Variants in SLC25A26 observed in about 807,000 individuals in gnomAD.
SLC25A26 encodes the protein solute carrier family 25 member 26, also known as mitochondrial S-adenosylmethionine carrier protein.
In SLC25A26, 36 loss-of-function variants were observed where a neutral mutation model predicts 37.8. That is an observed-to-expected ratio of 0.95 (90% CI 0.73 to 1.26). The LOEUF (loss-of-function observed/expected upper bound fraction) is 1.26, where lower values mean the gene tolerates loss of function less well. SLC25A26 is among the 50% of genes most tolerant of loss of function. The pLI is 0.00. For missense variants in SLC25A26, 390 were observed against 331.1 expected, an observed-to-expected ratio of 1.18 and a Z score of -1.38; for synonymous variants, 129 against 122.5, an observed-to-expected ratio of 1.05 and a Z score of -0.35.
At chr3:66,306,222 C>G (rs995996687) in intron 5 of SLC25A26, among the ~76,000 whole-genome samples, 2 of 152,202 alleles carry the variant, frequency 1.3e-5, no homozygotes, top group Non-Finnish European at 2.9e-5. Flanking sequence ...CCTCGTGATT[C>G]ACCCACCTTG....
intron 1 of SLC25A26, among the ~76,000 whole-genome samples, chr3:66,192,317 CA>C (rs1229602690): frequency 1.3e-4 from 15 of 111,216 alleles, no homozygotes; most frequent in South Asian, 3.2e-4. Context: ...CTCCATGTCA[CA>C]AAAAAAAAAA....
chr3:66,276,958 A>AG (rs1559646430), intron 5 of SLC25A26, among the ~76,000 whole-genome samples: 1 of 66,930 alleles, frequency 1.5e-5, no homozygotes, highest in Admixed American at 1.8e-4. Context: ...GCACTGTTTG[A>AG]AAAAAAAAAA....
chr3:66,135,099 G>A (rs1433113964), intron 1 of SLC25A26, among the ~76,000 whole-genome samples: 1 of 152,136 alleles, frequency 6.6e-6, no homozygotes, highest in Non-Finnish European at 1.5e-5. Context: ...GCAAAGAGCT[G>A]GGATTACAGG....
chr3:66,331,702 A>G lies in SLC25A26; in HGVS notation c.454-14662A>G, dbSNP rs1175824641. ...CTTGTTACTTTGGAAATTCTACTGT[A>G]TATTTCCATTCCATTAATGGTGATC... is the stretch of plus-strand genomic sequence containing the variant. On this transcript the variant is annotated intron_variant, in intron 5 of 9. Coordinates refer to ENST00000354883, the MANE Select transcript of SLC25A26 (RefSeq NM_001379210.1). Among the ~76,000 whole-genome samples, 4 of 152,032 alleles carry G rather than the reference A, an allele frequency of 2.6e-5. No homozygotes were observed. In the South Asian group the frequency reaches 8.3e-4, roughly 32 times the overall value.
At chr3:66,366,751 G>A (rs1221801956) in intron 7 of SLC25A26, among the ~76,000 whole-genome samples, 1 of 152,152 alleles carries the variant, frequency 6.6e-6, no homozygotes, top group Admixed American at 6.5e-5. Context: ...ACGAAAGTGG[G>A]TTTAACAATT....
chr3:66,218,019 C>T (rs2071387064), upstream of SLC25A26, among the ~76,000 whole-genome samples: 1 of 152,208 alleles, frequency 6.6e-6, no homozygotes, highest in Non-Finnish European at 1.5e-5. Flanking sequence ...CCTCTACCTC[C>T]ACCGCCTGGA....
intron 6 of SLC25A26, among the ~76,000 whole-genome samples, chr3:66,352,693 T>C (rs2076486002): frequency 6.6e-6 from 1 of 152,062 alleles, no homozygotes; most frequent in East Asian, 1.9e-4. Context: ...TTTTCCAGGG[T>C]CTGGGGATAC....
At chr3:66,374,546 C>CT (rs1485619952) in intron 9 of SLC25A26, among the ~76,000 whole-genome samples, 38 of 152,168 alleles carry the variant, frequency 2.5e-4, no homozygotes, top group African/African-American at 8.9e-4. Context: ...CCAGTGGCCT[C>CT]TAAGTGTTGA....
rs1033750858 is a variant in SLC25A26, at chr3:66,297,969, A to T, written c.453+34590A>T. On this transcript the variant is annotated intron_variant, in intron 5 of 9. Coordinates refer to ENST00000354883, the MANE Select transcript of SLC25A26 (RefSeq NM_001379210.1). ...TTCCTCGTTATCAAATTTGCAAATT[A>T]TGAAAAGAAGGAAAATACTGAGTAG... Among the ~76,000 whole-genome samples, 25 of 152,354 alleles carry T rather than the reference A, an allele frequency of 1.6e-4. No individual in the cohort carries two copies. In the East Asian group the frequency reaches 4.8e-3, roughly 29 times the overall value.
At chr3:66,228,111 T>C (rs1056039745) in intron 1 of SLC25A26, among the ~76,000 whole-genome samples, 2 of 152,224 alleles carry the variant, frequency 1.3e-5, no homozygotes, top group Non-Finnish European at 2.9e-5. Context: ...TGCTTTTGTG[T>C]TGAGCAAGAA....
intron 5 of SLC25A26, among the ~76,000 whole-genome samples, chr3:66,311,818 G>C (rs2107604840): frequency 6.6e-6 from 1 of 152,300 alleles, no homozygotes; most frequent in East Asian, 1.9e-4. Flanking sequence ...ATCACCACCA[G>C]AGGCTGCAGA....
intron 5 of SLC25A26, among the ~76,000 whole-genome samples, chr3:66,310,122 G>A (rs2075335605): frequency 6.6e-6 from 1 of 152,148 alleles, no homozygotes; most frequent in Non-Finnish European, 1.5e-5. Context: ...CACTATTATT[G>A]TGTGGAAGTC....
chr3:66,236,661 GCTGGCGTT>G lies in SLC25A26; in HGVS notation c.153_160del (p.Gly52PhefsTer9), dbSNP rs1447620783. On this transcript the variant is annotated frameshift_variant, in exon 2 of 10. Coordinates refer to ENST00000354883, the MANE Select transcript of SLC25A26 (RefSeq NM_001379210.1). LOFTEE classifies it high-confidence loss of function. ...GGCTGGTGGTTTTCATGGAATATAT[GCTGGCGTT>G]CCTTCTGCTGCTATTGGATCCTTTC... The G allele has an allele frequency of 6.5e-7, 1 of 1,527,486 alleles. No individual in the cohort carries two copies. The highest frequency in any genetic ancestry group is 8.8e-7 in the Non-Finnish European group (1 of 1,140,244). 94.6% of individuals were successfully genotyped at this position (1,527,486 alleles called of 1,614,324 possible).
At chr3:66,312,226 T>C (rs777092160) in intron 5 of SLC25A26, among the ~76,000 whole-genome samples, 2 of 152,324 alleles carry the variant, frequency 1.3e-5, no homozygotes, top group Admixed American at 6.5e-5. Context: ...CTGGCTACTG[T>C]GGCTTTGCAG....
chr3:66,261,703 A>C (rs957907090), intron 3 of SLC25A26: 3 of 186,496 alleles, frequency 1.6e-5, no homozygotes, highest in Non-Finnish European at 3.3e-5. Flanking sequence ...TTTTCATCAC[A>C]CATGTTTGAA....
At chr3:66,153,525 G>C (rs1364223644) in intron 1 of SLC25A26, among the ~76,000 whole-genome samples, 1 of 152,248 alleles carries the variant, frequency 6.6e-6, no homozygotes, top group Admixed American at 6.5e-5. Context: ...ATCTGATAAA[G>C]TCGCTGCTGA....
intron 5 of SLC25A26, among the ~76,000 whole-genome samples, chr3:66,278,111 A>G (rs1002949045): frequency 6.6e-6 from 1 of 152,270 alleles, no homozygotes; most frequent in East Asian, 1.9e-4. Context: ...GCTGGTTTTG[A>G]TAAGTGTACT....
At chr3:66,349,066 T>C (rs1028478585) in intron 6 of SLC25A26, among the ~76,000 whole-genome samples, 1 of 152,216 alleles carries the variant, frequency 6.6e-6, no homozygotes, top group Non-Finnish European at 1.5e-5. Flanking sequence ...TTTTGAGGCC[T>C]AAAGAAGGAA....
chr3:66,294,722 G>C (rs1336196324), intron 5 of SLC25A26, among the ~76,000 whole-genome samples: 2 of 152,068 alleles, frequency 1.3e-5, no homozygotes, highest in African/African-American at 2.4e-5. Flanking sequence ...TAGGACAAAA[G>C]AAAAAGGTGT....
Sources: gnomAD v4.1 joint callset for allele counts (sites outside exome capture counted in the v4.1 genomes callset) on GRCh38, gnomAD v4.1.1 for gene constraint, MANE v1.5 for transcripts, NCBI Gene and HGNC (gene_info 2026-07-23, HGNC 2026-07-21) for gene names.